ARHGEF4: variants seen among roughly 807,000 people sequenced by gnomAD.
The protein encoded by ARHGEF4 is APC-stimulated guanine nucleotide exchange factor 1.
A neutral mutation model predicts 162.0 loss-of-function variants in ARHGEF4; 119 were observed. The ratio of observed to expected loss-of-function variants is 0.73; its 90% CI spans 0.63 to 0.86. ARHGEF4 has a LOEUF of 0.86. ARHGEF4 is among the 40% of genes least tolerant of loss of function. The pLI is 0.00. For synonymous variants in ARHGEF4, 1,014 were observed against 979.9 expected (o/e 1.03, Z -0.65); for missense variants, 2,488 against 2,456.0 (o/e 1.01, Z -0.28).
At chr2:130,960,318 A>ATATT (rs1224417598) in intron 4 of ARHGEF4, among the ~76,000 whole-genome samples, 1 of 151,974 alleles carries the variant, frequency 6.6e-6, no homozygotes, top group African/African-American at 2.4e-5. Context: ...ATTTTATACT[A>ATATT]TATTTTTACT....
intron 4 of ARHGEF4, among the ~76,000 whole-genome samples, chr2:130,961,680 C>T (rs893263353): frequency 5.9e-5 from 9 of 152,154 alleles, no homozygotes; most frequent in African/African-American, 1.2e-4. Context: ...TCGCCAAGCA[C>T]GGTATGGCGG....
At chr2:130,854,062 T>C (rs1459069295) in intron 1 of ARHGEF4, among the ~76,000 whole-genome samples, 1 of 152,150 alleles carries the variant, frequency 6.6e-6, no homozygotes, top group African/African-American at 2.4e-5. Context: ...AAATCTGATG[T>C]GTGTGGAAAT....
chr2:130,886,695 A>G (rs1343704449), intron 1 of ARHGEF4, among the ~76,000 whole-genome samples: 1 of 149,988 alleles, frequency 6.7e-6, no homozygotes, highest in Admixed American at 6.6e-5. Context: ...AAAAAAAAAA[A>G]GGTTGGATGA....
chr2:131,041,608 T>C (rs1372907008), intron 9 of ARHGEF4, 146 bp downstream of exon 9: 1 of 1,091,026 alleles, frequency 9.2e-7, no homozygotes, highest in South Asian at 1.6e-5. Context: ...CTCCTTGCAA[T>C]GGGGGAAGAG....
At chr2:130,993,886 C>A (rs1489847443) in intron 4 of ARHGEF4, among the ~76,000 whole-genome samples, 1 of 152,086 alleles carries the variant, frequency 6.6e-6, no homozygotes, top group Non-Finnish European at 1.5e-5. Flanking sequence ...CAGGTTCAAG[C>A]AATTCTCCTG....
In ARHGEF4 at chr2:130,914,371, G is replaced by A. The variant is rs563176466; in HGVS notation, c.425G>A (p.Cys142Tyr). 40 of 1,446,616 alleles carry A rather than the reference G, an allele frequency of 2.8e-5. No individual in the cohort carries two copies. The South Asian group carries it at 5.0e-4, about 18-fold the overall frequency. 89.6% of individuals were successfully genotyped at this position (1,446,616 alleles called of 1,614,324 possible). A position where few individuals can be genotyped will look rare whatever the true frequency, so the allele number is the denominator to read the frequency against. Reference protein sequence around the residue: ...DLSPSLEDDSCKNGWRAFATV... With the variant: ...DLSPSLEDDSYKNGWRAFATV... ...TCCCCTAGCTTAGAGGATGACTCTT[G>A]CAAAAATGGGTGGCGAGCCTTTGCC... The change falls in exon 2 of 14, where the codon TGC becomes TAC. Residue 142 changes from cysteine to tyrosine, a missense_variant. By Grantham distance (194) the Cys-to-Tyr change is radical. Transcript: ENST00000409359.
At chr2:130,845,530 C>T (rs1680900115) in intron 1 of ARHGEF4, among the ~76,000 whole-genome samples, 1 of 152,036 alleles carries the variant, frequency 6.6e-6, no homozygotes, top group South Asian at 2.1e-4. Flanking sequence ...ATCTCTTGAC[C>T]TTGTGATCTG....
chr2:130,978,425 T>C (rs1685896435), intron 4 of ARHGEF4, among the ~76,000 whole-genome samples: 1 of 152,174 alleles, frequency 6.6e-6, no homozygotes, highest in Non-Finnish European at 1.5e-5. Context: ...GCATAATAAG[T>C]GTCAGTCCCA....
At chr2:130,977,702 G>GT (rs367877300) in intron 4 of ARHGEF4, among the ~76,000 whole-genome samples, 12 of 151,364 alleles carry the variant, frequency 7.9e-5, no homozygotes, top group African/African-American at 2.2e-4. Flanking sequence ...GTGCAAACGT[G>GT]TTTTTTTTGC....
Position 130,915,485 on chromosome 2 carries a change from C to A in ARHGEF4, c.1539C>A (p.Ser513Arg), listed in dbSNP as rs756487825. ...TSNYTSKYVL[S>R]EESKSPTRAK... Reference sequence around the variant, plus strand: ...ATTACACATCAAAGTATGTGCTCAGCGAGGAAAGCAAGTCACCTACCAGGG... The same window carrying A: ...ATTACACATCAAAGTATGTGCTCAGAGAGGAAAGCAAGTCACCTACCAGGG... The change falls in exon 2 of 14, where the codon AGC becomes AGA. Residue 513 changes from serine (S) to arginine (R), a missense_variant. Coordinates refer to ENST00000409359, the MANE Select transcript of ARHGEF4 (RefSeq NM_001367493.1). The A allele has an allele frequency of 6.5e-7, 1 of 1,550,350 alleles. No individual in the cohort carries two copies. Among genetic ancestry groups the A allele is most frequent in the Non-Finnish European group, 8.7e-7 (1 of 1,146,982 alleles).
chr2:130,871,322 G>C (rs1330410462), intron 1 of ARHGEF4, among the ~76,000 whole-genome samples: 1 of 152,120 alleles, frequency 6.6e-6, no homozygotes, highest in East Asian at 1.9e-4. Flanking sequence ...GATCACCTGA[G>C]GTCAGAAGTT....
intron 1 of ARHGEF4, among the ~76,000 whole-genome samples, chr2:130,896,123 C>A (rs541439184): frequency 6.6e-6 from 1 of 152,008 alleles, no homozygotes; most frequent in South Asian, 2.1e-4. Flanking sequence ...GACTATTATT[C>A]TTTTTCCATT....
chr2:130,971,854 G>T (rs113808132), intron 4 of ARHGEF4, among the ~76,000 whole-genome samples: 1,775 of 152,266 alleles, frequency 0.012, 29 homozygotes, highest in African/African-American at 0.04. Flanking sequence ...TCACTGCAGT[G>T]CCTATACATT....
chr2:130,950,686 A>ACCC lies in ARHGEF4; in HGVS notation c.3985+4055_3985+4057dup, dbSNP rs141201333. On this transcript the variant is annotated intron_variant, in intron 4 of 13. Coordinates refer to ENST00000409359, the MANE Select transcript of ARHGEF4 (RefSeq NM_001367493.1). ...AAGAAGCTCTGTACCTTTAGCTATT[A>ACCC]CCCCCCACCACCACCCGAAGGAACC... Among the ~76,000 whole-genome samples the ACCC allele has an allele frequency of 3.3e-3, 474 of 142,210 alleles. 1 individual carries two copies. The highest frequency in any genetic ancestry group is 0.014 in the East Asian group (65 of 4,498). The allele number at this position is 142,210 out of a possible 152,430, so 93.3% of individuals were successfully genotyped here. A position where few individuals can be genotyped will look rare whatever the true frequency, so the allele number is the denominator to read the frequency against.
At chr2:130,924,174 C>G (rs1002259710) in intron 2 of ARHGEF4, among the ~76,000 whole-genome samples, 6 of 152,162 alleles carry the variant, frequency 3.9e-5, no homozygotes, top group Non-Finnish European at 5.9e-5. Context: ...AGCCACCGCT[C>G]CCGGCCTAGC....
intron 2 of ARHGEF4, among the ~76,000 whole-genome samples, chr2:130,924,318 G>A (rs1216883182): frequency 4.0e-5 from 6 of 150,034 alleles, no homozygotes; most frequent in East Asian, 2.0e-4. Context: ...ACACTGTCAC[G>A]GGCAGTGGCA....
chr2:130,904,712 A>G (rs958349044), intron 1 of ARHGEF4, among the ~76,000 whole-genome samples: 1 of 151,974 alleles, frequency 6.6e-6, no homozygotes, highest in Non-Finnish European at 1.5e-5. Flanking sequence ...TTTTTTGCAA[A>G]TATTTTTAAA....
intron 1 of ARHGEF4, among the ~76,000 whole-genome samples, chr2:130,895,205 G>A: frequency 6.6e-6 from 1 of 152,144 alleles, no homozygotes; most frequent in East Asian, 1.9e-4. Context: ...TTGGTGTGTG[G>A]CTGCTTTCAC....
intron 4 of ARHGEF4, among the ~76,000 whole-genome samples, chr2:130,952,978 G>T (rs530439413): frequency 1.8e-4 from 27 of 152,058 alleles, no homozygotes; most frequent in African/African-American, 5.5e-4. Flanking sequence ...TGGCCATACT[G>T]CCCAAGATAA....
Sources: allele counts gnomAD v4.1 joint callset (sites outside exome capture counted in the v4.1 genomes callset), GRCh38; gene constraint gnomAD v4.1.1; transcripts MANE v1.5; gene names NCBI Gene and HGNC (gene_info 2026-07-23, HGNC 2026-07-21).